Variants in DNAJC7 observed in about 807,000 individuals in gnomAD.
DNAJC7 encodes the protein DnaJ heat shock protein family (Hsp40) member C7.
Under a neutral mutation model 67.4 loss-of-function variants are expected in DNAJC7, and 18 were observed. That is an observed-to-expected ratio of 0.27 (90% CI 0.18 to 0.40). The LOEUF is 0.40. Ranked by LOEUF, DNAJC7 falls within the 10% of genes least tolerant of loss-of-function variation. The pLI is 1.00. For synonymous variants in DNAJC7, 220 were observed against 207.8 expected (o/e 1.06, Z -0.50); for missense variants, 419 against 613.8 (o/e 0.68, Z 3.35).
intron 9 of DNAJC7, chr17:41,986,075 A>AAAAAAAAAAAAAAAAAAC (rs1555646755): frequency 6.9e-6 from 1 of 145,150 alleles, no homozygotes; most frequent in Non-Finnish European, 1.5e-5. Flanking sequence ...AAAAAAAAAA[A>AAAAAAAAAAAAAAAAAAC]AAAAGGCCGG....
intron 5 of DNAJC7, among the ~76,000 whole-genome samples, chr17:41,990,908 C>T (rs1469422956): frequency 2.0e-5 from 3 of 152,110 alleles, no homozygotes; most frequent in African/African-American, 7.2e-5. Context: ...CGTGATCCGT[C>T]CTCCTCAGCC....
intron 1 of DNAJC7, among the ~76,000 whole-genome samples, chr17:42,003,985 T>TG (rs1375399126): frequency 1.6e-5 from 2 of 122,456 alleles, no homozygotes; most frequent in Admixed American, 2.0e-4. Context: ...AGATGGAGTC[T>TG]AACTCTTTTG....
intron 12 of DNAJC7, among the ~76,000 whole-genome samples, chr17:41,979,012 A>T (rs1555645426): frequency 6.6e-6 from 1 of 152,178 alleles, no homozygotes; most frequent in Admixed American, 6.6e-5. Flanking sequence ...ACTGGAGAGG[A>T]CTCAGCATTA....
intron 9 of DNAJC7, among the ~76,000 whole-genome samples, chr17:41,986,591 A>T (rs1645988618): frequency 7.0e-6 from 1 of 142,502 alleles, no homozygotes; most frequent in Admixed American, 7.2e-5. Context: ...TCATGTATAT[A>T]GCATTTTGCG....
chr17:41,983,350 C>T (rs1555646281), intron 10 of DNAJC7, among the ~76,000 whole-genome samples: 2 of 152,176 alleles, frequency 1.3e-5, no homozygotes, highest in African/African-American at 4.8e-5. Context: ...TCTCCAACTC[C>T]TGATCTCAGG....
At chr17:41,993,256 A>G (rs371103336) in intron 5 of DNAJC7, among the ~76,000 whole-genome samples, 12 of 152,070 alleles carry the variant, frequency 7.9e-5, no homozygotes, top group South Asian at 2.1e-4. Context: ...TCAGGAGATC[A>G]AGACCATCCT....
intron 13 of DNAJC7, chr17:41,977,058 T>G (rs2051103184): frequency 1.5e-6 from 1 of 656,744 alleles, no homozygotes. Context: ...AGAGATGCGG[T>G]GGCTAAAGGT....
Position 42,017,382 on chromosome 17 carries a change from G to A in DNAJC7, c.35C>T (p.Ala12Val), listed in dbSNP as rs782709895. The stretch of plus-strand genomic sequence containing the variant: ...GTCGAGCAGCTCCGGCTCGGTCGCC[G>A]CCATTACCACATCGCACTCCGCGGC... The part of the protein sequence containing the change: ...AAAAECDVVM[A>V]ATEPELLDDQ... Residue 12 changes from alanine (A) to valine (V), a missense_variant, in exon 1 of 14, where the codon GCG becomes GTG. Transcript: ENST00000457167. 9 of 1,610,000 alleles carry A rather than the reference G, an allele frequency of 5.6e-6. No homozygotes were observed. Among genetic ancestry groups the A allele is most frequent in the African/African-American group, 2.7e-5 (2 of 74,938 alleles).
intron 1 of DNAJC7, among the ~76,000 whole-genome samples, chr17:42,007,081 A>G (rs1555650451): frequency 2.0e-5 from 3 of 151,744 alleles, no homozygotes; most frequent in African/African-American, 7.3e-5. Context: ...CAGCCTGGGC[A>G]ACAGAGCAAG....
At chr17:41,977,175 CCT>C (rs2051108162) in intron 13 of DNAJC7, 84 bp downstream of exon 13, 3 of 1,354,468 alleles carry the variant, frequency 2.2e-6, no homozygotes, top group Non-Finnish European at 3.1e-6. Context: ...CTCATGGGCC[CCT>C]CTGACTCCCA....
chr17:42,000,555 G>T lies in DNAJC7; in HGVS notation c.93C>A (p.Phe31Leu). ...DQEAKREAET[F>L]KEQGNAYYAK... ...CATAGTATGCATTTCCTTGTTCCTT[G>T]AAAGTCTCTGCTTCCCTGAAAATGA... Residue 31 changes from phenylalanine to leucine, a missense_variant, in exon 2 of 14, where the codon TTC (phenylalanine) becomes TTA (leucine). Phe to Leu is a conservative substitution (Grantham distance 22). Around this residue, in one of 4 missense-constraint regions of DNAJC7, gnomAD observed 63 missense variants for 54.0 expected, o/e 1.17. Coordinates refer to ENST00000457167, the MANE Select transcript of DNAJC7 (RefSeq NM_003315.4). The T allele has an allele frequency of 6.2e-7, 1 of 1,609,908 alleles. No homozygotes were observed. Among genetic ancestry groups the T allele is most frequent in the Non-Finnish European group, 8.5e-7 (1 of 1,177,818 alleles).
chr17:42,005,360 C>T (rs1489212797), intron 1 of DNAJC7, among the ~76,000 whole-genome samples: 1 of 152,168 alleles, frequency 6.6e-6, no homozygotes, highest in East Asian at 1.9e-4. Context: ...AAATTAGATG[C>T]CCTATAAAAA....
At chr17:41,998,701 C>A (rs542060165) in intron 2 of DNAJC7, among the ~76,000 whole-genome samples, 1 of 151,974 alleles carries the variant, frequency 6.6e-6, no homozygotes, top group African/African-American at 2.4e-5. Flanking sequence ...AATGCTGACA[C>A]GGGATTAAAG....
intron 1 of DNAJC7, among the ~76,000 whole-genome samples, chr17:42,002,600 AT>A (rs1325456790): frequency 2.0e-5 from 3 of 152,098 alleles, no homozygotes; most frequent in Non-Finnish European, 4.4e-5. Flanking sequence ...CATTATTCCC[AT>A]TTTTCAAAAG....
chr17:41,983,926 G>A (rs2051311873), intron 9 of DNAJC7, among the ~76,000 whole-genome samples: 1 of 152,220 alleles, frequency 6.6e-6, no homozygotes, highest in Non-Finnish European at 1.5e-5. Context: ...CCACCTAAGA[G>A]GTACTGGACT....
At chr17:41,986,091 G>T (rs1216477890) in intron 9 of DNAJC7, 1 of 113,544 alleles carries the variant, frequency 8.8e-6, no homozygotes, top group Non-Finnish European at 2.0e-5. Flanking sequence ...GCCGGGCGCG[G>T]TGGCTCACAC....
intron 9 of DNAJC7, chr17:41,987,532 G>A (rs782283678): frequency 3.3e-4 from 129 of 388,386 alleles, no homozygotes; most frequent in Admixed American, 8.7e-4. Flanking sequence ...ATCTCCAAAG[G>A]AAATGGATTT....
intron 10 of DNAJC7, among the ~76,000 whole-genome samples, chr17:41,982,871 A>G (rs1037838478): frequency 2.0e-5 from 3 of 151,952 alleles, no homozygotes; most frequent in African/African-American, 7.3e-5. Context: ...GAGGCAGGAT[A>G]ATTGTTTGAA....
chr17:41,989,224 C>A (rs1327519186), intron 7 of DNAJC7, among the ~76,000 whole-genome samples, 180 bp downstream of exon 7: 2 of 152,242 alleles, frequency 1.3e-5, no homozygotes. Flanking sequence ...TATATGATCA[C>A]ATCTACCTTT....
Sources: allele counts gnomAD v4.1 joint callset (sites outside exome capture counted in the v4.1 genomes callset), GRCh38; gene constraint gnomAD v4.1.1; regional missense constraint gnomAD v4.1.1; transcripts MANE v1.5; gene names NCBI Gene and HGNC (gene_info 2026-07-23, HGNC 2026-07-21).